RBFOX1: variants seen among roughly 807,000 people sequenced by gnomAD.
RBFOX1 encodes the protein RNA binding protein fox-1 homolog 1.
Under a neutral mutation model 57.7 loss-of-function variants are expected in RBFOX1, and 8 were observed. That is an observed-to-expected ratio of 0.14 (90% CI 0.08 to 0.25). RBFOX1 has a LOEUF of 0.25. Among genes scored for constraint, RBFOX1 ranks in the 10% least tolerant of loss-of-function variants. RBFOX1 has a pLI of 1.00. For missense variants in RBFOX1, 611 were observed against 548.5 expected (o/e 1.11, Z -1.14); for synonymous variants, 326 against 222.4 (o/e 1.47, Z -4.15).
chr16:7,092,666 C>A (rs2151148684), intron 4 of RBFOX1, among the ~76,000 whole-genome samples: 1 of 152,262 alleles, frequency 6.6e-6, no homozygotes, highest in East Asian at 1.9e-4. Context: ...CCTTTACGGA[C>A]TTGGGCACTG....
intron 2 of RBFOX1, among the ~76,000 whole-genome samples, chr16:6,530,523 T>A (rs186049061): frequency 1.6e-4 from 24 of 152,314 alleles, no homozygotes; most frequent in African/African-American, 5.3e-4. Flanking sequence ...CAAATAGACA[T>A]GCAGGGGCTT....
chr16:7,463,800 A>G (rs2059999743), intron 4 of RBFOX1, among the ~76,000 whole-genome samples: 1 of 152,212 alleles, frequency 6.6e-6, no homozygotes, highest in Admixed American at 6.5e-5. Context: ...TAACGACAAC[A>G]GCTGCTATTT....
At chr16:6,894,416 A>G (rs2066263155) in intron 3 of RBFOX1, among the ~76,000 whole-genome samples, 1 of 152,196 alleles carries the variant, frequency 6.6e-6, no homozygotes, top group Admixed American at 6.5e-5. Flanking sequence ...AAGTGGCAGC[A>G]CTTCTCTAAT....
At chr16:5,765,123 G>A (rs187219232) in intron 3 of RBFOX1, among the ~76,000 whole-genome samples, 14 of 152,242 alleles carry the variant, frequency 9.2e-5, no homozygotes, top group African/African-American at 3.1e-4. Context: ...CTAATTATTG[G>A]GAAGCCCTTG....
In RBFOX1 at chr16:5,981,324, G is replaced by A. The variant is rs555239166; in HGVS notation, c.351+113989G>A. On this transcript the variant is annotated intron_variant, in intron 4 of 19. Coordinates refer to the RBFOX1 transcript ENST00000641259. ...AAATGTTCTGGAGCCCTAGCCCCTG[G>A]GGACACAGGTTCTGTGGGTCTGGGG... Among the ~76,000 whole-genome samples, 117 of 152,278 alleles carry A rather than the reference G, an allele frequency of 7.7e-4. 1 individual carries two copies. Among genetic ancestry groups the A allele is most frequent in the African/African-American group, 2.7e-3 (113 of 41,568 alleles).
intron 2 of RBFOX1, among the ~76,000 whole-genome samples, chr16:6,615,475 C>T (rs1274670860): frequency 6.6e-6 from 1 of 151,742 alleles, no homozygotes. Context: ...GAGGCTGAGG[C>T]AGAAGAATTG....
intron 3 of RBFOX1, among the ~76,000 whole-genome samples, chr16:5,842,584 C>A (rs146727203): frequency 1.1e-4 from 17 of 152,118 alleles, no homozygotes; most frequent in African/African-American, 3.9e-4. Context: ...TTTTTCAAGG[C>A]AAGTGTATGT....
At chr16:6,084,317 C>T (rs1342268942) in intron 1 of RBFOX1, among the ~76,000 whole-genome samples, 1 of 152,142 alleles carries the variant, frequency 6.6e-6, no homozygotes, top group Non-Finnish European at 1.5e-5. Context: ...TATCGTGACT[C>T]ACGGCAGCCT....
At chr16:6,578,901 G>T (rs185870324) in intron 2 of RBFOX1, among the ~76,000 whole-genome samples, 39 of 152,100 alleles carry the variant, frequency 2.6e-4, no homozygotes, top group Non-Finnish European at 8.8e-5. Context: ...GGGTGGGAGT[G>T]GGGTGAGGGT....
intron 1 of RBFOX1, among the ~76,000 whole-genome samples, chr16:6,203,561 C>G (rs2097231132): frequency 6.6e-6 from 1 of 152,096 alleles, no homozygotes. Flanking sequence ...ATGCATATAT[C>G]TCATGGAGAT....
At chr16:7,412,824 C>T (rs567359424) in intron 4 of RBFOX1, among the ~76,000 whole-genome samples, 40 of 152,234 alleles carry the variant, frequency 2.6e-4, no homozygotes, top group Admixed American at 1.4e-3. Context: ...AGGCGGACTG[C>T]GAGGTCAGGA....
At chr16:6,937,292 T>C (rs2077538001) in intron 3 of RBFOX1, among the ~76,000 whole-genome samples, 1 of 152,138 alleles carries the variant, frequency 6.6e-6, no homozygotes, top group African/African-American at 2.4e-5. Flanking sequence ...CTGTTTCCTT[T>C]TTACCTTCAT....
chr16:6,516,987 A>G (rs1236638937), intron 2 of RBFOX1, among the ~76,000 whole-genome samples: 6 of 152,210 alleles, frequency 3.9e-5, no homozygotes, highest in Admixed American at 2.6e-4. Context: ...AGGCTAGGTC[A>G]GAAGCTGTGA....
intron 3 of RBFOX1, among the ~76,000 whole-genome samples, chr16:6,788,574 C>G (rs955886566): frequency 6.6e-6 from 1 of 151,774 alleles, no homozygotes; most frequent in Non-Finnish European, 1.5e-5. Flanking sequence ...CTTCTGGGTT[C>G]ACGCCATTCT....
intron 3 of RBFOX1, among the ~76,000 whole-genome samples, chr16:6,980,336 C>G (rs1011483673): frequency 5.3e-5 from 8 of 151,970 alleles, no homozygotes; most frequent in African/African-American, 1.9e-4. Flanking sequence ...GTTTTTTGTT[C>G]CAGATGAGGA....
chr16:6,092,425 C>G (rs28556867), intron 1 of RBFOX1: 50 of 152,304 alleles, frequency 3.3e-4, no homozygotes, highest in African/African-American at 1.2e-3. Context: ...CCCTAGCCTG[C>G]TGCAAGTCCA....
intron 4 of RBFOX1, among the ~76,000 whole-genome samples, chr16:7,380,263 G>T (rs1243566837): frequency 6.6e-6 from 1 of 152,074 alleles, no homozygotes; most frequent in African/African-American, 2.4e-5. Context: ...TCACCACATA[G>T]AATCGTATAA....
intron 4 of RBFOX1, among the ~76,000 whole-genome samples, chr16:5,965,516 C>T (rs958779906): frequency 6.6e-6 from 1 of 152,124 alleles, no homozygotes; most frequent in Non-Finnish European, 1.5e-5. Flanking sequence ...GAACTAAACA[C>T]ATAACCACAC....
chr16:7,457,477 C>G (rs1023055943), intron 4 of RBFOX1, among the ~76,000 whole-genome samples: 1 of 152,144 alleles, frequency 6.6e-6, no homozygotes, highest in African/African-American at 2.4e-5. Context: ...ATAAATATGC[C>G]TTGCCTTGCA....
Sources: gnomAD v4.1 joint callset for allele counts (sites outside exome capture counted in the v4.1 genomes callset) on GRCh38, gnomAD v4.1.1 for gene constraint, MANE v1.5 for transcripts, NCBI Gene and HGNC (gene_info 2026-07-23, HGNC 2026-07-21) for gene names.